HSD11B1: variants seen among roughly 807,000 people sequenced by gnomAD.
HSD11B1 encodes hydroxysteroid 11-beta dehydrogenase 1.
A neutral mutation model predicts 22.1 loss-of-function variants in HSD11B1; 15 were observed. The observed-to-expected ratio is 0.68, with a 90% CI of 0.45 to 1.04. The LOEUF (loss-of-function observed/expected upper bound fraction) is 1.04, where lower values mean the gene tolerates loss of function less well. Among genes scored for constraint, HSD11B1 ranks in the 50% least tolerant of loss-of-function variants. HSD11B1 has a pLI of 0.00. For synonymous variants in HSD11B1, 122 were observed against 125.2 expected (o/e 0.97, Z 0.17); for missense variants, 281 against 357.6 (o/e 0.79, Z 1.73).
At chr1:209,697,254 C>T (rs2076796624) in intron 1 of HSD11B1, among the ~76,000 whole-genome samples, 1 of 152,210 alleles carries the variant, frequency 6.6e-6, no homozygotes, top group African/African-American at 2.4e-5. Context: ...TATTTTCCCA[C>T]ACAGCTTCCT....
intron 4 of HSD11B1, among the ~76,000 whole-genome samples, chr1:209,719,019 C>CAAAAAAAAAAAAAAAAAAAAAAAAAAA (rs56342028): frequency 2.8e-5 from 1 of 35,710 alleles, no homozygotes; most frequent in Non-Finnish European, 4.6e-5. Flanking sequence ...GACTCCATCT[C>CAAAAAAAAAAAAAAAAAAAAAAAAAAA]AAAAAAAAAA....
intron 4 of HSD11B1, among the ~76,000 whole-genome samples, chr1:209,713,423 G>A (rs2076910823): frequency 6.6e-6 from 1 of 152,110 alleles, no homozygotes; most frequent in Non-Finnish European, 1.5e-5. Context: ...TATAATCATA[G>A]AAACATTTCA....
intron 4 of HSD11B1, among the ~76,000 whole-genome samples, chr1:209,708,441 G>T (rs2076874335): frequency 6.6e-6 from 1 of 152,224 alleles, no homozygotes; most frequent in African/African-American, 2.4e-5. Context: ...AAGGGGCAGT[G>T]TGTCTGTGCT....
upstream of HSD11B1, among the ~76,000 whole-genome samples, chr1:209,703,402 T>G (rs1169110016): frequency 6.6e-6 from 1 of 152,212 alleles, no homozygotes; most frequent in Non-Finnish European, 1.5e-5. Context: ...ATTTATAAAA[T>G]TATACAAATG....
Position 209,688,840 on chromosome 1 carries a change from C to A in HSD11B1, c.-49+2555C>A, listed in dbSNP as rs530078628. On this transcript the variant is annotated intron_variant, in intron 1 of 6. Coordinates refer to the HSD11B1 transcript ENST00000261465. The stretch of plus-strand genomic sequence containing the variant: ...GACAAAAAGACTGGGAACATGGGAA[C>A]AACAGAGATAACAACAGTTAAGGAA... Among the ~76,000 whole-genome samples, 203 of 152,202 alleles carry A rather than the reference C, an allele frequency of 1.3e-3. 1 individual carries two copies. Among genetic ancestry groups the A allele is most frequent in the African/African-American group, 4.7e-3 (195 of 41,546 alleles).
chr1:209,712,202 T>G (rs1338759571), intron 4 of HSD11B1, among the ~76,000 whole-genome samples: 3 of 152,212 alleles, frequency 2.0e-5, no homozygotes, highest in South Asian at 2.1e-4. Context: ...AGACTCAGTA[T>G]AGATCCTGTG....
chr1:209,701,612 T>A (rs894255376), upstream of HSD11B1, among the ~76,000 whole-genome samples: 4 of 152,218 alleles, frequency 2.6e-5, no homozygotes, highest in African/African-American at 7.2e-5. Context: ...TACTTTTTAC[T>A]CTGAGGTTTG....
At position 209,706,902 on chromosome 1, in the gene HSD11B1, A is replaced by G. The variant is rs766162814; in HGVS notation, c.332-41A>G. The G allele has an allele frequency of 1.2e-6, 2 of 1,610,806 alleles. No homozygotes were observed. The highest frequency in any genetic ancestry group is 1.1e-5 in the South Asian group (1 of 91,016). ...CTTTTGGGAGGAGAATGGGAAAGGT[A>G]TCAACCCCAGATGATTTCTTAATAT... On this transcript the variant is annotated intron_variant, in intron 3 of 5. Coordinates refer to ENST00000367027, the MANE Select transcript of HSD11B1 (RefSeq NM_005525.4). The surrounding 1 kb of genome is among the most constrained non-coding windows in gnomAD (Gnocchi z 4.0).
chr1:209,703,083 T>C (rs2076834755), upstream of HSD11B1, among the ~76,000 whole-genome samples: 1 of 152,226 alleles, frequency 6.6e-6, no homozygotes, highest in South Asian at 2.1e-4. Context: ...ATTTGCTTTG[T>C]GTTCTATTAC....
upstream of HSD11B1, among the ~76,000 whole-genome samples, chr1:209,704,251 A>T (rs944037858): frequency 2.0e-5 from 3 of 152,264 alleles, no homozygotes; most frequent in Admixed American, 2.0e-4. Context: ...TAGAGTCTTG[A>T]ACCAGTCTTG....
At chr1:209,724,232 C>T (rs1203396416) in intron 4 of HSD11B1, 1 of 152,210 alleles carries the variant, frequency 6.6e-6, no homozygotes, top group Non-Finnish European at 1.5e-5. Context: ...TTGAGTCAGA[C>T]CCCAGTCCTC....
In HSD11B1 at chr1:209,706,786, A is replaced by C; in HGVS notation, c.297A>C (p.Ala99=). ...GCACCATGGAAGACATGACCTTCGC[A>C]GAGCAATTTGTTGCCCAAGCAGGAA... is the stretch of plus-strand genomic sequence containing the variant. ...IAGTMEDMTF[A]EQFVAQAGKL... The change falls in exon 3 of 6, where the codon GCA becomes GCC. Residue 99 remains alanine (A), a synonymous_variant. Transcript: ENST00000367027. The surrounding 1 kb of genome is among the most constrained non-coding windows in gnomAD (Gnocchi z 4.0). 1.9e-6 allele frequency: 3 copies of C among 1,614,138 alleles called. No homozygotes were observed. In the South Asian group the frequency reaches 3.3e-5, roughly 18 times the overall value.
intron 1 of HSD11B1, among the ~76,000 whole-genome samples, chr1:209,691,845 T>C (rs564101419): frequency 6.6e-6 from 1 of 152,306 alleles, no homozygotes; most frequent in East Asian, 1.9e-4. Flanking sequence ...GAATAAGTAA[T>C]TTCCAAAATT....
At chr1:209,697,767 C>A (rs770127956) in intron 1 of HSD11B1, among the ~76,000 whole-genome samples, 1 of 151,780 alleles carries the variant, frequency 6.6e-6, no homozygotes, top group Non-Finnish European at 1.5e-5. Context: ...CACCTGAGAC[C>A]ATTTCTCAGG....
chr1:209,733,172 G>C (rs774028158), intron 5 of HSD11B1, among the ~76,000 whole-genome samples: 6 of 152,112 alleles, frequency 3.9e-5, no homozygotes, highest in Non-Finnish European at 8.8e-5. Context: ...ACAAGTTTGT[G>C]TTTCTTAAAA....
At chr1:209,693,544 C>A (rs2076773566) in intron 1 of HSD11B1, among the ~76,000 whole-genome samples, 1 of 152,226 alleles carries the variant, frequency 6.6e-6, no homozygotes, top group Non-Finnish European at 1.5e-5. Context: ...TTCCTCGATT[C>A]TCAAAAGAAG....
intron 1 of HSD11B1, among the ~76,000 whole-genome samples, chr1:209,698,583 C>T (rs2076807214): frequency 6.6e-6 from 1 of 152,196 alleles, no homozygotes; most frequent in Non-Finnish European, 1.5e-5. Context: ...GCCAATGTTT[C>T]AACAGACCTT....
chr1:209,720,824 C>A (rs1181537831), intron 4 of HSD11B1, among the ~76,000 whole-genome samples: 1 of 151,920 alleles, frequency 6.6e-6, no homozygotes, highest in Admixed American at 6.6e-5. Flanking sequence ...TGAATAGTGG[C>A]CCCAAAAAAG....
intron 1 of HSD11B1, among the ~76,000 whole-genome samples, chr1:209,687,576 T>C (rs75766988): frequency 0.014 from 2,202 of 152,332 alleles, 65 homozygotes; most frequent in African/African-American, 0.051. Flanking sequence ...GATGAGGGAA[T>C]TGAAGCCAAG....
Sources: gnomAD v4.1 joint callset for allele counts (sites outside exome capture counted in the v4.1 genomes callset) on GRCh38, gnomAD v4.1.1 for gene constraint, Gnocchi (gnomAD v3.1) non-coding constraint, MANE v1.5 for transcripts, NCBI Gene and HGNC (gene_info 2026-07-23, HGNC 2026-07-21) for gene names.